ADCY10: variants seen among roughly 807,000 people sequenced by gnomAD.
ADCY10 encodes the protein adenylate cyclase type 10.
A neutral mutation model predicts 183.3 loss-of-function variants in ADCY10; 156 were observed. The ratio of observed to expected loss-of-function variants is 0.85; its 90% CI spans 0.75 to 0.97. The LOEUF is 0.97. ADCY10 is among the 50% of genes least tolerant of loss of function. ADCY10 has a pLI of 0.00. For missense variants in ADCY10, 1,745 were observed against 1,934.3 expected (o/e 0.90, Z 1.84); for synonymous variants, 645 against 670.0 (o/e 0.96, Z 0.58).
At chr1:167,857,699 T>A (rs1369487865) in intron 16 of ADCY10, among the ~76,000 whole-genome samples, 2 of 152,222 alleles carry the variant, frequency 1.3e-5, no homozygotes, top group Non-Finnish European at 2.9e-5. Context: ...ACTCACTTAA[T>A]CCTCACAACA....
At chr1:167,881,042 G>A (rs747114478) in intron 9 of ADCY10, among the ~76,000 whole-genome samples, 88 of 152,272 alleles carry the variant, frequency 5.8e-4, no homozygotes, top group Middle Eastern at 3.4e-3. Context: ...AGGAACTTCC[G>A]TTTATCTCTC....
rs769957178 is a variant in ADCY10 at position 167,809,631 on chromosome 1, T to A, written c.*47A>T. 6.2e-7 allele frequency: 1 copy of A among 1,603,444 alleles called. No homozygotes were observed. The highest frequency in any genetic ancestry group is 2.2e-5 in the East Asian group (1 of 44,832). On this transcript the variant is annotated 3_prime_UTR_variant, in exon 33 of 33. Transcript: ENST00000367851. ...GCCACGGAGAAAGGTCAATAATAGA[T>A]AATCACAAGGACATAGTGCTTATTA... is the stretch of plus-strand genomic sequence containing the variant.
chr1:167,845,673 T>A lies in ADCY10; in HGVS notation c.2897A>T (p.His966Leu), dbSNP rs1244688567. 2 of 1,614,264 alleles carry A rather than the reference T, an allele frequency of 1.2e-6. No individual in the cohort carries two copies. The highest frequency in any genetic ancestry group is 4.5e-5 in the East Asian group (2 of 44,894). The part of the protein sequence containing the change: ...FLEEDAHRCD[H>L]CRGRDFIPYH... The stretch of plus-strand genomic sequence containing the variant: ...GGGAATGAAGTCCCTGCCTCGGCAG[T>A]GGTCACATCTGTGGGCATCTTCTTC... Residue 966 changes from histidine to leucine, a missense_variant, in exon 21 of 33, where the codon CAC becomes CTC. Transcript: ENST00000367851.
At chr1:167,890,622 G>C (rs1301981904) in intron 8 of ADCY10, among the ~76,000 whole-genome samples, 1 of 152,114 alleles carries the variant, frequency 6.6e-6, no homozygotes, top group Non-Finnish European at 1.5e-5. Flanking sequence ...AAGCCAGCCA[G>C]GTTTGTGTCT....
At chr1:167,892,945 C>G (rs1668700768) in intron 8 of ADCY10, among the ~76,000 whole-genome samples, 1 of 152,198 alleles carries the variant, frequency 6.6e-6, no homozygotes, top group East Asian at 1.9e-4. Context: ...TCTCAGTTTT[C>G]TCATGCATAT....
In ADCY10 at chr1:167,903,971, T is replaced by G. The variant is rs780161604; in HGVS notation, c.169A>C (p.Lys57Gln). 1.9e-6 allele frequency: 3 copies of G among 1,613,666 alleles called. No homozygotes were observed. The Admixed American group carries it at 5.0e-5, about 27-fold the overall frequency. ...DISGFTAMTE[K>Q]FSSAMYMDRG... ...TCCATGTACATGGCACTGCTGAACT[T>G]CTCAGTCATTGCAGTAAAACCTGGA... Residue 57 changes from lysine (K) to glutamine (Q), a missense_variant, in exon 3 of 33, where the codon AAG (lysine) becomes CAG (glutamine). Transcript: ENST00000367851.
At chr1:167,832,229 A>G (rs534915763) in intron 25 of ADCY10, among the ~76,000 whole-genome samples, 82 of 152,346 alleles carry the variant, frequency 5.4e-4, no homozygotes, top group African/African-American at 1.9e-3. Flanking sequence ...ACAAGGAGGC[A>G]TCTCCTTTGC....
At chr1:167,872,257 G>T (rs1218505056) in intron 13 of ADCY10, among the ~76,000 whole-genome samples, 1 of 152,008 alleles carries the variant, frequency 6.6e-6, no homozygotes, top group Non-Finnish European at 1.5e-5. Context: ...AGAATTGCTT[G>T]AACCTGGGAG....
In ADCY10 at chr1:167,830,382, C is replaced by CA. The variant is rs201698835; in HGVS notation, c.3594-960dup. 6.0e-3 allele frequency among the ~76,000 whole-genome samples: 576 copies of CA among 95,280 alleles called. 2 individuals carry two copies. Among genetic ancestry groups the CA allele is most frequent in the South Asian group, 0.015 (48 of 3,126 alleles). The allele number at this position is 95,280 out of a possible 152,430, so 62.5% of individuals were successfully genotyped here. On this transcript the variant is annotated intron_variant, in intron 25 of 32. Coordinates refer to ENST00000367851, the MANE Select transcript of ADCY10 (RefSeq NM_018417.6). ...CCTGTCTTGGGTACTTTTTAGTTTACAAAAAAAAAAAAAAAGAGGATTTTT... is the reference window on the plus strand; with the variant it reads ...CCTGTCTTGGGTACTTTTTAGTTTACAAAAAAAAAAAAAAAAGAGGATTTTT...
chr1:167,828,221 C>T (rs982509353), intron 26 of ADCY10, among the ~76,000 whole-genome samples: 15 of 152,132 alleles, frequency 9.9e-5, no homozygotes, highest in African/African-American at 3.6e-4. Context: ...CAGTGGAATA[C>T]AAGTGATTAT....
At chr1:167,845,457 C>G (rs1435134664) in intron 21 of ADCY10, 106 bp downstream of exon 21, 1 of 1,192,730 alleles carries the variant, frequency 8.4e-7, no homozygotes, top group African/African-American at 1.5e-5. Flanking sequence ...GTGCCCAAGC[C>G]GCTTATGAGA....
At chr1:167,865,994 A>G (rs1431933691) in intron 14 of ADCY10, among the ~76,000 whole-genome samples, 1 of 152,212 alleles carries the variant, frequency 6.6e-6, no homozygotes, top group Admixed American at 6.5e-5. Flanking sequence ...CACTAAGTTC[A>G]CTTCATGTCT....
intron 8 of ADCY10, 82 bp from the exon 9 acceptor site, chr1:167,883,710 A>C: frequency 1.5e-6 from 2 of 1,298,520 alleles, no homozygotes; most frequent in Non-Finnish European, 2.2e-6. Flanking sequence ...CATACCCGAA[A>C]TCATCTAGGG....
chr1:167,845,683 T>G lies in ADCY10; in HGVS notation c.2887A>C (p.Arg963=). Residue 963 remains arginine, a synonymous_variant, in exon 21 of 33, where the codon AGA becomes CGA. Transcript: ENST00000367851. The part of the protein sequence containing the change: ...CARFLEEDAH[R]CDHCRGRDFI... Reference sequence around the variant, plus strand: ...TCCCTGCCTCGGCAGTGGTCACATCTGTGGGCATCTTCTTCTAAAAAGCGG... The same window carrying G: ...TCCCTGCCTCGGCAGTGGTCACATCGGTGGGCATCTTCTTCTAAAAAGCGG... 6.2e-7 allele frequency: 1 copy of G among 1,614,268 alleles called. No homozygotes were observed. Among genetic ancestry groups the G allele is most frequent in the Non-Finnish European group, 8.5e-7 (1 of 1,180,050 alleles).
chr1:167,836,615 C>G, intron 22 of ADCY10, 75 bp from the exon 23 acceptor site: 1 of 1,093,454 alleles, frequency 9.1e-7, no homozygotes. Flanking sequence ...TTAGGCCAGA[C>G]GCGGTGGCTC....
chr1:167,828,095 C>T (rs145800549), intron 26 of ADCY10, among the ~76,000 whole-genome samples: 1,707 of 152,306 alleles, frequency 0.011, 31 homozygotes, highest in African/African-American at 0.039. Context: ...GGGATCCTAT[C>T]TAGCTTACTA....
intron 1 of ADCY10, among the ~76,000 whole-genome samples, chr1:167,913,099 T>C (rs188754759): frequency 6.6e-6 from 1 of 152,284 alleles, no homozygotes; most frequent in African/African-American, 2.4e-5. Context: ...GTTCAGCCAA[T>C]TCTATCACAT....
chr1:167,875,320 C>T lies in ADCY10; in HGVS notation c.1407-134G>A, dbSNP rs145712236. The T allele has an allele frequency of 1.4e-5, 12 of 838,340 alleles. 1 individual carries two copies. In the East Asian group the frequency reaches 1.6e-4, roughly 11 times the overall value. The allele number at this position is 838,340 out of a possible 1,614,324, so 51.9% of individuals were successfully genotyped here. On this transcript the variant is annotated intron_variant, in intron 12 of 32. Coordinates refer to ENST00000367851, the MANE Select transcript of ADCY10 (RefSeq NM_018417.6). ...AGAGTCTATCCCCTGACTCACGGGTCGCAAACGCCAAAAGAAGGAGAAACG... is the reference window on the plus strand; with the variant it reads ...AGAGTCTATCCCCTGACTCACGGGTTGCAAACGCCAAAAGAAGGAGAAACG...
At chr1:167,867,818 G>T (rs907139429) in intron 14 of ADCY10, among the ~76,000 whole-genome samples, 2 of 151,918 alleles carry the variant, frequency 1.3e-5, no homozygotes, top group African/African-American at 4.8e-5. Flanking sequence ...AAGTATATCT[G>T]CCACGAATTA....
Sources: gnomAD v4.1 joint callset for allele counts (sites outside exome capture counted in the v4.1 genomes callset) on GRCh38, gnomAD v4.1.1 for gene constraint, MANE v1.5 for transcripts, NCBI Gene and HGNC (gene_info 2026-07-23, HGNC 2026-07-21) for gene names.